Variants in XRCC4 observed in about 807,000 individuals in gnomAD.
XRCC4 encodes the protein X-ray repair cross complementing 4.
A neutral mutation model predicts 39.1 loss-of-function variants in XRCC4; 28 were observed. The ratio of observed to expected loss-of-function variants is 0.72; its 90% CI spans 0.53 to 0.98. The LOEUF is 0.98. XRCC4 is among the 50% of genes least tolerant of loss of function. XRCC4 has a pLI of 0.00. For missense variants in XRCC4, 350 were observed against 376.4 expected (o/e 0.93, Z 0.58); for synonymous variants, 123 against 126.4 (o/e 0.97, Z 0.18).
chr5:83,155,500 T>C (rs1171866262), intron 3 of XRCC4, among the ~76,000 whole-genome samples: 1 of 152,150 alleles, frequency 6.6e-6, no homozygotes, highest in African/African-American at 2.4e-5. Context: ...GTATAATAGG[T>C]ATAAAATAAA....
intron 7 of XRCC4, among the ~76,000 whole-genome samples, chr5:83,312,364 T>C (rs1253207273): frequency 1.3e-5 from 2 of 152,180 alleles, no homozygotes; most frequent in Non-Finnish European, 2.9e-5. Context: ...TTGAGGTTAT[T>C]AGACCACTCT....
intron 7 of XRCC4, among the ~76,000 whole-genome samples, chr5:83,326,567 A>G (rs1483954764): frequency 6.6e-6 from 1 of 152,034 alleles, no homozygotes; most frequent in Non-Finnish European, 1.5e-5. Flanking sequence ...TGGGATCTAT[A>G]TATTCTACTA....
chr5:83,194,827 C>A (rs377321452), intron 3 of XRCC4, among the ~76,000 whole-genome samples: 145 of 152,270 alleles, frequency 9.5e-4, no homozygotes, highest in Middle Eastern at 6.8e-3. Context: ...ATAGCAGAAT[C>A]TTGACTTTAC....
At chr5:83,127,188 G>T (rs1350991438) in intron 3 of XRCC4, among the ~76,000 whole-genome samples, 1 of 152,054 alleles carries the variant, frequency 6.6e-6, no homozygotes, top group African/African-American at 2.4e-5. Context: ...ACATGAATTT[G>T]GGGGGCTAGG....
intron 7 of XRCC4, among the ~76,000 whole-genome samples, chr5:83,286,893 A>G (rs1377925922): frequency 6.6e-6 from 1 of 152,058 alleles, no homozygotes; most frequent in East Asian, 1.9e-4. Flanking sequence ...CTAGATGAAA[A>G]TTATGGGACA....
chr5:83,362,496 T>C, the XRCC4 span, among the ~76,000 whole-genome samples: 1 of 152,130 alleles, frequency 6.6e-6, no homozygotes, highest in African/African-American at 2.4e-5. Flanking sequence ...TTGCAACAAT[T>C]TATTACCAAA....
intron 6 of XRCC4, among the ~76,000 whole-genome samples, chr5:83,254,625 G>A (rs998230516): frequency 6.6e-6 from 1 of 152,056 alleles, no homozygotes; most frequent in Admixed American, 6.5e-5. Flanking sequence ...ATATAGTTGG[G>A]ATCCCTTCTG....
intron 7 of XRCC4, among the ~76,000 whole-genome samples, chr5:83,262,578 A>G (rs527293937): frequency 4.6e-5 from 7 of 152,220 alleles, no homozygotes; most frequent in African/African-American, 1.7e-4. Context: ...AAATCACTGT[A>G]AAAGGAATAC....
intron 3 of XRCC4, among the ~76,000 whole-genome samples, chr5:83,146,605 G>A (rs1160709930): frequency 6.6e-6 from 1 of 152,104 alleles, no homozygotes; most frequent in Non-Finnish European, 1.5e-5. Flanking sequence ...TGAGAGCAGG[G>A]ACAGGAGCTC....
At chr5:83,334,714 A>T (rs1756543208) in intron 7 of XRCC4, among the ~76,000 whole-genome samples, 2 of 151,802 alleles carry the variant, frequency 1.3e-5, no homozygotes, top group Non-Finnish European at 2.9e-5. Flanking sequence ...AAATATCAAC[A>T]AGTGAAGGCA....
chr5:83,082,695 A>G (rs1186885112), intron 1 of XRCC4, among the ~76,000 whole-genome samples: 1 of 151,892 alleles, frequency 6.6e-6, no homozygotes, highest in Admixed American at 6.6e-5. Flanking sequence ...GCGGCCCACC[A>G]CAAATTTGTA....
intron 3 of XRCC4, among the ~76,000 whole-genome samples, chr5:83,188,948 T>C (rs976414906): frequency 6.6e-6 from 1 of 152,176 alleles, no homozygotes; most frequent in Non-Finnish European, 1.5e-5. Flanking sequence ...AGATTCTGTA[T>C]AGAAGGAATC....
chr5:83,284,052 CAAAAAAAAA>C (rs766161565), intron 7 of XRCC4, among the ~76,000 whole-genome samples: 12 of 16,098 alleles, frequency 7.5e-4, no homozygotes, highest in South Asian at 3.9e-3. Context: ...CAACCCAGAG[CAAAAAAAAA>C]AAAAAAAAAA....
At chr5:83,201,267 C>G (rs976812637) in intron 4 of XRCC4, 11 of 152,244 alleles carry the variant, frequency 7.2e-5, no homozygotes, top group African/African-American at 2.4e-4. Flanking sequence ...TGAAGCCCCA[C>G]TTTTGTAAGT....
the XRCC4 span, among the ~76,000 whole-genome samples, chr5:83,367,319 A>T: frequency 6.6e-6 from 1 of 152,216 alleles, no homozygotes; most frequent in South Asian, 2.1e-4. Flanking sequence ...TGTGCAAATC[A>T]TATGTCCAAG....
intron 1 of XRCC4, among the ~76,000 whole-genome samples, chr5:83,088,775 C>A (rs768948815): frequency 6.6e-6 from 1 of 152,100 alleles, no homozygotes; most frequent in Non-Finnish European, 1.5e-5. Flanking sequence ...ATAACATTTC[C>A]AACTTCCTTC....
Position 83,177,911 on chromosome 5 carries a change from C to G in XRCC4, c.316-17859C>G, listed in dbSNP as rs796560229. Among the ~76,000 whole-genome samples the G allele has an allele frequency of 2.6e-5, 4 of 152,076 alleles. No homozygotes were observed. The South Asian group carries it at 8.3e-4, about 31-fold the overall frequency. On this transcript the variant is annotated intron_variant, in intron 3 of 7. Transcript: ENST00000396027. Reference sequence around the variant, plus strand: ...ACTCTGATAAATGTAGAGAAAGAAACAAGTCACTAGAAGAGTCAGAGAGCC... The same window carrying G: ...ACTCTGATAAATGTAGAGAAAGAAAGAAGTCACTAGAAGAGTCAGAGAGCC...
At chr5:83,178,515 G>A (rs1162700240) in intron 3 of XRCC4, among the ~76,000 whole-genome samples, 2 of 152,156 alleles carry the variant, frequency 1.3e-5, no homozygotes, top group African/African-American at 2.4e-5. Context: ...AACCAGGCAA[G>A]TATGGTGTCA....
At chr5:83,088,814 G>A (rs1745296911) in intron 1 of XRCC4, among the ~76,000 whole-genome samples, 1 of 152,020 alleles carries the variant, frequency 6.6e-6, no homozygotes, top group South Asian at 2.1e-4. Flanking sequence ...TGATTGTTCT[G>A]AAGTTTAAAG....
Sources: allele counts gnomAD v4.1 joint callset (sites outside exome capture counted in the v4.1 genomes callset), GRCh38; gene constraint gnomAD v4.1.1; transcripts MANE v1.5; gene names NCBI Gene and HGNC (gene_info 2026-07-23, HGNC 2026-07-21).